ZNF621: variants seen among roughly 807,000 people sequenced by gnomAD.
The protein encoded by ZNF621 is zinc finger protein 621.
In ZNF621, 6 loss-of-function variants were observed where a neutral mutation model predicts 12.7. That is an observed-to-expected ratio of 0.47 (90% CI 0.26 to 0.93). The LOEUF (loss-of-function observed/expected upper bound fraction) is 0.93, where lower values mean the gene tolerates loss of function less well. Among genes scored for constraint, ZNF621 ranks in the 40% least tolerant of loss-of-function variants. The pLI is 0.15. For missense variants in ZNF621, 474 were observed against 524.0 expected, an observed-to-expected ratio of 0.90 and a Z score of 0.93; for synonymous variants, 156 against 190.3, an observed-to-expected ratio of 0.82 and a Z score of 1.48.
In ZNF621 at chr3:40,538,485, C is replaced by A; in HGVS notation, c.*5395C>A. ...TGAGGTTGCACCACTGTGCTTCAGC[C>A]TGGGTAACAGAGTGAGACTGTCTCA... On this transcript the variant is annotated 3_prime_UTR_variant, in exon 5 of 5. Coordinates refer to ENST00000339296, the MANE Select transcript of ZNF621 (RefSeq NM_198484.5). The A allele has an allele frequency of 1.2e-5, 2 of 164,700 alleles. No homozygotes were observed. Among genetic ancestry groups the A allele is most frequent in the Non-Finnish European group, 2.6e-5 (2 of 75,512 alleles). The allele number at this position is 164,700 out of a possible 1,614,324, so 10.2% of individuals were successfully genotyped here. A position where few individuals can be genotyped will look rare whatever the true frequency, so the allele number is the denominator to read the frequency against.
rs1458640070 is a variant in ZNF621, at chr3:40,533,070, C to T, written c.1300C>T (p.Pro434Ser). 2 of 1,551,582 alleles carry T rather than the reference C, an allele frequency of 1.3e-6. No homozygotes were observed. Among genetic ancestry groups the T allele is most frequent in the Admixed American group, 2.0e-5 (1 of 50,982 alleles). ...TVKPSPVILT[P>S]SSHSS ...GAAACCTTCCCCAGTTATTCTCACCCCTTCTTCTCACTCCTCATGAGCTTT... is the reference window on the plus strand; with the variant it reads ...GAAACCTTCCCCAGTTATTCTCACCTCTTCTTCTCACTCCTCATGAGCTTT... Residue 434 changes from proline to serine, a missense_variant, in exon 5 of 5, where the codon CCT becomes TCT. Coordinates refer to ENST00000339296, the MANE Select transcript of ZNF621 (RefSeq NM_198484.5).
chr3:40,538,147 G>A lies in ZNF621; in HGVS notation c.*5057G>A. On this transcript the variant is annotated 3_prime_UTR_variant, in exon 5 of 5. Transcript: ENST00000339296. ...AGAAATGGAAGATCAAAGCCTGGATGACAGCACATCTGTTTACAGCATGGA... is the reference window on the plus strand; with the variant it reads ...AGAAATGGAAGATCAAAGCCTGGATAACAGCACATCTGTTTACAGCATGGA... The A allele has an allele frequency of 3.9e-6, 1 of 259,476 alleles. No homozygotes were observed. Among genetic ancestry groups the A allele is most frequent in the South Asian group, 3.2e-5 (1 of 31,334 alleles). The allele number at this position is 259,476 out of a possible 1,614,324, so 16.1% of individuals were successfully genotyped here. A position where few individuals can be genotyped will look rare whatever the true frequency, so the allele number is the denominator to read the frequency against.
chr3:40,536,858 A>C lies in ZNF621; in HGVS notation c.*3768A>C, dbSNP rs1698877835. On this transcript the variant is annotated 3_prime_UTR_variant, in exon 5 of 5. Coordinates refer to ENST00000339296, the MANE Select transcript of ZNF621 (RefSeq NM_198484.5). ...TTCATTTTTCTGTGTCTTACACAGA[A>C]ACTTAAAATATTTCAAACTTTTCAT... 6.6e-6 allele frequency: 1 copy of C among 152,166 alleles called. No homozygotes were observed. The highest frequency in any genetic ancestry group is 2.4e-5 in the African/African-American group (1 of 41,428). 9.4% of individuals were successfully genotyped at this position (152,166 alleles called of 1,614,324 possible).
At position 40,536,447 on chromosome 3, in the gene ZNF621, T is replaced by C. The variant is rs1348459434; in HGVS notation, c.*3357T>C. 1 of 152,204 alleles carries C rather than the reference T, an allele frequency of 6.6e-6. No individual in the cohort carries two copies. Among genetic ancestry groups the C allele is most frequent in the Admixed American group, 6.5e-5 (1 of 15,272 alleles). The allele number at this position is 152,204 out of a possible 1,614,324, so 9.4% of individuals were successfully genotyped here. On this transcript the variant is annotated 3_prime_UTR_variant, in exon 5 of 5. Transcript: ENST00000339296. ...AATGTACTGTTTAGAAATATACATATTTTATACAAAATTATAAAGAAAGCA... is the reference window on the plus strand; with the variant it reads ...AATGTACTGTTTAGAAATATACATACTTTATACAAAATTATAAAGAAAGCA...
chr3:40,531,784 G>A (rs552658552), intron 4 of ZNF621, among the ~76,000 whole-genome samples: 3 of 152,000 alleles, frequency 2.0e-5, no homozygotes, highest in South Asian at 2.1e-4. Flanking sequence ...GTCTGGTCTC[G>A]AACTCCTGAG....
Position 40,530,305 on chromosome 3 carries a change from G to T in ZNF621, c.248G>T (p.Gly83Val), listed in dbSNP as rs1215480659. Residue 83 changes from glycine (G) to valine (V), a missense_variant, in exon 4 of 5, where the codon GGC becomes GTC. Physicochemically the swap from Gly to Val is moderately radical, Grantham distance 109. Coordinates refer to ENST00000339296, the MANE Select transcript of ZNF621 (RefSeq NM_198484.5). ...CCCTGGGACACCGAGATTCTGAGAGGCATCAGTCAAGGTGAGTATGAGAAT... is the reference window on the plus strand; with the variant it reads ...CCCTGGGACACCGAGATTCTGAGAGTCATCAGTCAAGGTGAGTATGAGAAT... ...PDPWDTEILR[G>V]ISQGGESWIK... 6.2e-7 allele frequency: 1 copy of T among 1,613,762 alleles called. No individual in the cohort carries two copies. Among genetic ancestry groups the T allele is most frequent in the Non-Finnish European group, 8.5e-7 (1 of 1,179,808 alleles).
Position 40,533,317 on chromosome 3 carries a change from T to A in ZNF621, c.*227T>A. 1.5e-6 allele frequency: 1 copy of A among 673,684 alleles called. No homozygotes were observed. Among genetic ancestry groups the A allele is most frequent in the Non-Finnish European group, 2.3e-6 (1 of 439,806 alleles). 41.7% of individuals were successfully genotyped at this position (673,684 alleles called of 1,614,324 possible). A position where few individuals can be genotyped will look rare whatever the true frequency, so the allele number is the denominator to read the frequency against. ...CACCACGCCCAGCTAATTTCTGTAT[T>A]TTTAGAAGAGATGGGGTTTCGCCAT... On this transcript the variant is annotated 3_prime_UTR_variant, in exon 5 of 5. Coordinates refer to ENST00000339296, the MANE Select transcript of ZNF621 (RefSeq NM_198484.5).
rs574983572 is a variant in ZNF621 at position 40,532,711 on chromosome 3, C to A, written c.941C>A (p.Thr314Asn). 6.2e-7 allele frequency: 1 copy of A among 1,614,174 alleles called. No individual in the cohort carries two copies. Among genetic ancestry groups the A allele is most frequent in the South Asian group, 1.1e-5 (1 of 91,088 alleles). The change falls in exon 5 of 5, where the codon ACT (threonine) becomes AAT (asparagine). Residue 314 changes from threonine to asparagine, a missense_variant. Coordinates refer to ENST00000339296, the MANE Select transcript of ZNF621 (RefSeq NM_198484.5). ...IASIQHQRVH[T>N]GEKPYECKVC... ...TCCATTCAGCATCAGAGAGTTCACA[C>A]TGGGGAGAAGCCTTATGAATGTAAG...
intron 2 of ZNF621, among the ~76,000 whole-genome samples, chr3:40,526,916 C>A (rs542426010): frequency 6.6e-6 from 1 of 152,162 alleles, no homozygotes; most frequent in East Asian, 1.9e-4. Flanking sequence ...AGTGCAATGG[C>A]GCTATCTCGG....
Position 40,529,315 on chromosome 3 carries a change from T to C in ZNF621, c.25-4T>C. ...AGAGATTGAGCAGGAACCTGTTGTT[T>C]CAGGAGTCAGTGACCTTTGAGGATG... On this transcript the variant is annotated splice_region_variant and splice_polypyrimidine_tract_variant and intron_variant, in intron 2 of 4. Coordinates refer to ENST00000339296, the MANE Select transcript of ZNF621 (RefSeq NM_198484.5). The C allele has an allele frequency of 3.1e-6, 5 of 1,612,884 alleles. No individual in the cohort carries two copies. Among genetic ancestry groups the C allele is most frequent in the Non-Finnish European group, 4.2e-6 (5 of 1,179,182 alleles).
upstream of ZNF621, among the ~76,000 whole-genome samples, chr3:40,524,683 G>C (rs1222317190): frequency 6.6e-6 from 1 of 152,228 alleles, no homozygotes; most frequent in Non-Finnish European, 1.5e-5. Flanking sequence ...CGTGAACTGG[G>C]GGCCCACTTG....
chr3:40,528,835 T>C (rs913366364), intron 2 of ZNF621, among the ~76,000 whole-genome samples: 2 of 152,224 alleles, frequency 1.3e-5, no homozygotes, highest in Admixed American at 6.5e-5. Context: ...GCCTGTTTCT[T>C]AATTGGCTTG....
In ZNF621 at chr3:40,537,471, T is replaced by C. The variant is rs1182045542; in HGVS notation, c.*4381T>C. 2 of 152,218 alleles carry C rather than the reference T, an allele frequency of 1.3e-5. No homozygotes were observed. Among genetic ancestry groups the C allele is most frequent in the Non-Finnish European group, 2.9e-5 (2 of 68,108 alleles). 9.4% of individuals were successfully genotyped at this position (152,218 alleles called of 1,614,324 possible). A position where few individuals can be genotyped will look rare whatever the true frequency, so the allele number is the denominator to read the frequency against. Reference sequence around the variant, plus strand: ...TTAAAAATTTAGCTGGGTGTGGTTGTGCATGCCTGTAGTCCGATCTACTTG... The same window carrying C: ...TTAAAAATTTAGCTGGGTGTGGTTGCGCATGCCTGTAGTCCGATCTACTTG... On this transcript the variant is annotated 3_prime_UTR_variant, in exon 5 of 5. Transcript: ENST00000339296.
chr3:40,531,933 C>G (rs1698734881), intron 4 of ZNF621, 97 bp from the exon 5 acceptor site: 1 of 1,167,490 alleles, frequency 8.6e-7, no homozygotes, highest in Non-Finnish European at 1.2e-6. Flanking sequence ...TCACAGGTAT[C>G]TTTAAAAATT....
chr3:40,530,173 C>A, intron 3 of ZNF621, 36 bp from the exon 4 acceptor site: 1 of 1,568,318 alleles, frequency 6.4e-7, no homozygotes, highest in Admixed American at 1.7e-5. Flanking sequence ...CTCTGGACGT[C>A]TCCCCTCAAT....
chr3:40,535,720 A>C lies in ZNF621; in HGVS notation c.*2630A>C, dbSNP rs180777223. The C allele has an allele frequency of 1.3e-5, 2 of 152,170 alleles. No homozygotes were observed. Among genetic ancestry groups the C allele is most frequent in the African/African-American group, 4.8e-5 (2 of 41,422 alleles). The allele number at this position is 152,170 out of a possible 1,614,324, so 9.4% of individuals were successfully genotyped here. Reference sequence around the variant, plus strand: ...GGATTCTGCCTGGGAAGAGAGTCATAGTATGAAGAAGTCTGAAAATGGGGA... The same window carrying C: ...GGATTCTGCCTGGGAAGAGAGTCATCGTATGAAGAAGTCTGAAAATGGGGA... On this transcript the variant is annotated 3_prime_UTR_variant, in exon 5 of 5. Transcript: ENST00000339296.
chr3:40,524,281 T>C (rs1698524656), upstream of ZNF621, among the ~76,000 whole-genome samples: 1 of 152,232 alleles, frequency 6.6e-6, no homozygotes, highest in Non-Finnish European at 1.5e-5. Flanking sequence ...AAAATAGCTG[T>C]AACTACGAGT....
chr3:40,539,559 G>A lies in ZNF621; in HGVS notation c.*6469G>A, dbSNP rs1211546024. ...AAATAATTGTGTGACTCCCTTTATT[G>A]TGTTAAACATTTTATTACAGTTGTC... On this transcript the variant is annotated 3_prime_UTR_variant, in exon 5 of 5. Transcript: ENST00000339296. The A allele has an allele frequency of 6.6e-6, 1 of 152,086 alleles. No individual in the cohort carries two copies. The highest frequency in any genetic ancestry group is 2.4e-5 in the African/African-American group (1 of 41,420). The allele number at this position is 152,086 out of a possible 1,614,324, so 9.4% of individuals were successfully genotyped here.
chr3:40,526,594 C>A (rs1698588883), intron 2 of ZNF621, among the ~76,000 whole-genome samples: 1 of 152,108 alleles, frequency 6.6e-6, no homozygotes, highest in Admixed American at 6.5e-5. Context: ...TCTGAAGTTG[C>A]AGAGAAAGCT....
Sources: allele counts gnomAD v4.1 joint callset (sites outside exome capture counted in the v4.1 genomes callset), GRCh38; gene constraint gnomAD v4.1.1; transcripts MANE v1.5; gene names NCBI Gene and HGNC (gene_info 2026-07-23, HGNC 2026-07-21).